POU6F2: variants seen among roughly 807,000 people sequenced by gnomAD.
POU6F2 encodes POU domain, class 6, transcription factor 2.
POU6F2 carries 31 observed loss-of-function variants against 71.3 expected under a neutral mutation model. That is an observed-to-expected ratio of 0.43 (90% CI 0.33 to 0.59). POU6F2 has a LOEUF of 0.59. Ranked by LOEUF, POU6F2 falls within the 20% of genes least tolerant of loss-of-function variation. The pLI, the probability that POU6F2 is intolerant of heterozygous loss-of-function variation, is 0.04. For synonymous variants in POU6F2, 347 were observed against 355.7 expected, an observed-to-expected ratio of 0.98 and a Z score of 0.27; for missense variants, 783 against 856.8, an observed-to-expected ratio of 0.91 and a Z score of 1.07.
chr7:39,118,645 A>G (rs1791980484), intron 2 of POU6F2, among the ~76,000 whole-genome samples: 1 of 152,232 alleles, frequency 6.6e-6, no homozygotes, highest in African/African-American at 2.4e-5. Context: ...AGTTAGAGGT[A>G]GAACCAGAAA....
intron 4 of POU6F2, among the ~76,000 whole-genome samples, chr7:39,312,901 A>G (rs1785194404): frequency 1.3e-5 from 2 of 152,172 alleles, no homozygotes; most frequent in African/African-American, 4.8e-5. Flanking sequence ...TCGGAATGGC[A>G]TGCAATTTAA....
intron 4 of POU6F2, among the ~76,000 whole-genome samples, chr7:39,302,773 A>G (rs1312425315): frequency 2.0e-5 from 3 of 152,242 alleles, no homozygotes; most frequent in Non-Finnish European, 2.9e-5. Flanking sequence ...AACCAGTTCC[A>G]TTAGAGTACA....
rs1412081268 is a variant in POU6F2, at chr7:38,979,426, C to CA, written c.105+1368_105+1369insA. ...GATGGAAAATGTCAAATACATAATA[C>CA]CATGTTTTCACAGGCTCACACTATT... On this transcript the variant is annotated intron_variant, in intron 1 of 9. Coordinates refer to ENST00000518318, the MANE Select transcript of POU6F2 (RefSeq NM_001370959.1). 1.8e-4 allele frequency among the ~76,000 whole-genome samples: 27 copies of CA among 152,236 alleles called. No homozygotes were observed. In the East Asian group the frequency reaches 5.2e-3, roughly 29 times the overall value.
chr7:39,306,657 A>G (rs1242579214), intron 4 of POU6F2, among the ~76,000 whole-genome samples: 1 of 152,208 alleles, frequency 6.6e-6, no homozygotes, highest in East Asian at 1.9e-4. Flanking sequence ...TCACTACCTA[A>G]TCTAGATACC....
intron 1 of POU6F2, among the ~76,000 whole-genome samples, chr7:39,062,812 G>A (rs968243803): frequency 4.0e-5 from 6 of 151,450 alleles, no homozygotes; most frequent in East Asian, 3.9e-4. Context: ...AGCACTTTGG[G>A]AGGCCGAGGA....
intron 5 of POU6F2, among the ~76,000 whole-genome samples, chr7:39,398,100 A>G (rs1787215491): frequency 6.6e-6 from 1 of 152,020 alleles, no homozygotes; most frequent in Admixed American, 6.6e-5. Flanking sequence ...TGTAAATATT[A>G]AAGAGTGAAG....
chr7:39,111,726 C>A (rs1791818364), intron 2 of POU6F2, among the ~76,000 whole-genome samples: 1 of 152,036 alleles, frequency 6.6e-6, no homozygotes, highest in Admixed American at 6.6e-5. Context: ...ATTCAGATGA[C>A]CCTTGGAAGA....
chr7:39,257,980 C>T lies in POU6F2; in HGVS notation c.598+50360C>T, dbSNP rs141541022. Among the ~76,000 whole-genome samples, 69 of 152,282 alleles carry T rather than the reference C, an allele frequency of 4.5e-4. 1 individual carries two copies. The South Asian group carries it at 0.012, about 26-fold the overall frequency. ...AAGTACCAGTGCTTAATACTATTTA[C>T]GTGTACATTTTTGAAACTACATTGT... is the stretch of plus-strand genomic sequence containing the variant. On this transcript the variant is annotated intron_variant, in intron 4 of 9. Transcript: ENST00000518318.
intron 4 of POU6F2, among the ~76,000 whole-genome samples, chr7:39,234,746 T>G (rs1332157147): frequency 1.3e-5 from 2 of 152,236 alleles, no homozygotes; most frequent in South Asian, 2.1e-4. Context: ...GAAATTCATT[T>G]TCTACTAATG....
At chr7:39,234,052 A>G (rs947988246) in intron 4 of POU6F2, among the ~76,000 whole-genome samples, 21 of 152,168 alleles carry the variant, frequency 1.4e-4, no homozygotes, top group African/African-American at 4.6e-4. Flanking sequence ...TTTGGCACGC[A>G]TATGCTAAGC....
chr7:39,339,812 C>G lies in POU6F2; in HGVS notation c.769C>G (p.Pro257Ala), dbSNP rs777292026. The G allele has an allele frequency of 8.3e-6, 13 of 1,574,376 alleles. No homozygotes were observed. In the African/African-American group the frequency reaches 1.8e-4, roughly 21 times the overall value. Residue 257 changes from proline to alanine, a missense_variant, in exon 5 of 10, where the codon CCA becomes GCA. Pro to Ala is a conservative substitution (Grantham distance 27, BLOSUM62 -1). Transcript: ENST00000518318. ...GCTGCAGCCCACCCCACCCCAGCAG[C>G]CACCACCCGCCTCTCAGCAGCCGCC... Reference protein sequence around the residue: ...QPLQPTPPQQPPPASQQPPAP... With the variant: ...QPLQPTPPQQAPPASQQPPAP...
Position 39,250,627 on chromosome 7 carries a change from G to T in POU6F2, c.598+43007G>T, listed in dbSNP as rs575094249. ...TTCAAGATTTTGCCAGTGGAAACGAGAGAGGAGAGTATAATCCTACCCCCA... is the reference window on the plus strand; with the variant it reads ...TTCAAGATTTTGCCAGTGGAAACGATAGAGGAGAGTATAATCCTACCCCCA... On this transcript the variant is annotated intron_variant, in intron 4 of 9. Coordinates refer to ENST00000518318, the MANE Select transcript of POU6F2 (RefSeq NM_001370959.1). Among the ~76,000 whole-genome samples the T allele has an allele frequency of 1.6e-3, 238 of 152,302 alleles. 1 individual carries two copies. The highest frequency in any genetic ancestry group is 5.4e-3 in the African/African-American group (225 of 41,564).
intron 1 of POU6F2, among the ~76,000 whole-genome samples, chr7:39,056,912 C>T (rs566307494): frequency 4.6e-5 from 7 of 152,138 alleles, no homozygotes; most frequent in Non-Finnish European, 1.0e-4. Context: ...GAAAACATAA[C>T]TTGTCTGTAT....
chr7:39,098,901 A>G (rs1263013114), intron 2 of POU6F2, among the ~76,000 whole-genome samples: 1 of 152,238 alleles, frequency 6.6e-6, no homozygotes, highest in East Asian at 1.9e-4. Context: ...CCATAAAACC[A>G]ACAAAAATTG....
chr7:39,125,169 C>A (rs886799358), intron 2 of POU6F2, among the ~76,000 whole-genome samples: 12 of 152,102 alleles, frequency 7.9e-5, no homozygotes, highest in African/African-American at 2.4e-4. Flanking sequence ...CAATACGACA[C>A]TGTTTGGCCT....
chr7:39,269,467 G>A (rs1043099167), intron 4 of POU6F2, among the ~76,000 whole-genome samples: 4 of 152,334 alleles, frequency 2.6e-5, no homozygotes, highest in South Asian at 2.1e-4. Flanking sequence ...ACAGATGGTC[G>A]GCTGGGCGGC....
intron 4 of POU6F2, among the ~76,000 whole-genome samples, chr7:39,248,074 C>T (rs1261653666): frequency 6.6e-6 from 1 of 151,852 alleles, no homozygotes. Flanking sequence ...TTTTGGTAGA[C>T]TTCCCAGTAA....
chr7:39,425,961 G>T (rs1787960661), intron 6 of POU6F2, among the ~76,000 whole-genome samples: 1 of 152,146 alleles, frequency 6.6e-6, no homozygotes, highest in African/African-American at 2.4e-5. Context: ...ACACAATCTT[G>T]TATAGCCACT....
chr7:39,066,807 AAAG>A (rs1230575496), intron 1 of POU6F2, among the ~76,000 whole-genome samples: 3 of 149,744 alleles, frequency 2.0e-5, no homozygotes, highest in Non-Finnish European at 3.0e-5. Flanking sequence ...CGTTTTTGAC[AAAG>A]AAGAATAGCA....
Sources: allele counts gnomAD v4.1 joint callset (sites outside exome capture counted in the v4.1 genomes callset), GRCh38; gene constraint gnomAD v4.1.1; transcripts MANE v1.5; gene names NCBI Gene and HGNC (gene_info 2026-07-23, HGNC 2026-07-21).